Variants in SV2C observed in about 807,000 individuals in gnomAD.
The protein encoded by SV2C is synaptic vesicle glycoprotein 2C.
Under a neutral mutation model 79.7 loss-of-function variants are expected in SV2C, and 49 were observed. That is an observed-to-expected ratio of 0.61 (90% CI 0.49 to 0.78). The LOEUF is 0.78. Among genes scored for constraint, SV2C ranks in the 30% least tolerant of loss-of-function variants. SV2C has a pLI of 0.00. For missense variants in SV2C, 833 were observed against 912.9 expected, an observed-to-expected ratio of 0.91 and a Z score of 1.13; for synonymous variants, 334 against 333.2, an observed-to-expected ratio of 1.00 and a Z score of -0.03.
chr5:76,314,830 T>C (rs971729929), intron 12 of SV2C, among the ~76,000 whole-genome samples: 14 of 152,140 alleles, frequency 9.2e-5, no homozygotes, highest in African/African-American at 3.1e-4. Flanking sequence ...CACTTGGCTG[T>C]TGGGATGCAC....
At chr5:75,861,599 A>T in the SV2C span, among the ~76,000 whole-genome samples, 31 of 151,758 alleles carry the variant, frequency 2.0e-4, no homozygotes, top group South Asian at 6.4e-3. Flanking sequence ...TGGACTGGAT[A>T]AAAAAAACAT....
intron 12 of SV2C, among the ~76,000 whole-genome samples, chr5:76,318,254 C>T (rs1213878998): frequency 6.6e-6 from 1 of 152,028 alleles, no homozygotes; most frequent in East Asian, 1.9e-4. Flanking sequence ...CCCGTCTCTA[C>T]TAAAAACACA....
chr5:75,974,265 C>T, the SV2C span, among the ~76,000 whole-genome samples: 1 of 151,988 alleles, frequency 6.6e-6, no homozygotes, highest in Non-Finnish European at 1.5e-5. Flanking sequence ...TAAATGGAAC[C>T]ATCGAATCTA....
intron 2 of SV2C, among the ~76,000 whole-genome samples, chr5:76,179,044 T>C (rs1743633208): frequency 6.6e-6 from 1 of 152,150 alleles, no homozygotes; most frequent in Non-Finnish European, 1.5e-5. Context: ...GGAGTCAAAT[T>C]GAAAATTAAT....
At chr5:75,863,452 T>C in the SV2C span, among the ~76,000 whole-genome samples, 1 of 152,022 alleles carries the variant, frequency 6.6e-6, no homozygotes, top group African/African-American at 2.4e-5. Context: ...AATTGGAAAG[T>C]GGTGAGTTTT....
chr5:76,246,583 C>T (rs921890053), intron 4 of SV2C, among the ~76,000 whole-genome samples: 1 of 152,060 alleles, frequency 6.6e-6, no homozygotes, highest in Non-Finnish European at 1.5e-5. Context: ...TAAGTAGGCA[C>T]CTTCTGGGTC....
intron 8 of SV2C, 28 bp downstream of exon 8, chr5:76,291,884 C>G (rs767140113): frequency 1.0e-5 from 15 of 1,505,820 alleles, no homozygotes. Flanking sequence ...TCTTGGCAAG[C>G]AAAATCGTTC....
At chr5:76,078,443 T>G (rs893002178), upstream of SV2C, among the ~76,000 whole-genome samples, 3 of 152,210 alleles carry the variant, frequency 2.0e-5, no homozygotes, top group Non-Finnish European at 4.4e-5. Flanking sequence ...CTGAGCCTTA[T>G]GAGTATTAGA....
At chr5:76,319,148 C>G (rs562473343) in intron 12 of SV2C, among the ~76,000 whole-genome samples, 1 of 152,070 alleles carries the variant, frequency 6.6e-6, no homozygotes, top group Admixed American at 6.5e-5. Flanking sequence ...TGGTGGCTCA[C>G]GCCTGTAATC....
chr5:75,911,447 AC>A, the SV2C span: 1 of 960,498 alleles, frequency 1.0e-6, no homozygotes, highest in Non-Finnish European at 1.6e-6. Flanking sequence ...GCCACTCCAA[AC>A]CCCAGGCCCT....
chr5:76,085,033 C>T (rs897686325), intron 1 of SV2C, among the ~76,000 whole-genome samples: 4 of 152,228 alleles, frequency 2.6e-5, no homozygotes, highest in Non-Finnish European at 4.4e-5. Flanking sequence ...GGTCTCCTCT[C>T]CCGCTGAACC....
At chr5:75,898,445 C>T in the SV2C span, among the ~76,000 whole-genome samples, 26 of 152,164 alleles carry the variant, frequency 1.7e-4, no homozygotes, top group East Asian at 5.8e-4. Flanking sequence ...ATAAGCTTTT[C>T]GATGTGCTGC....
the SV2C span, among the ~76,000 whole-genome samples, chr5:76,030,308 G>A: frequency 2.4e-4 from 8 of 33,706 alleles, no homozygotes; most frequent in Non-Finnish European, 3.8e-4. Context: ...TTCCTGTAAA[G>A]TTCTTTTTGG....
the SV2C span, among the ~76,000 whole-genome samples, chr5:75,906,834 T>C: frequency 6.6e-6 from 1 of 152,130 alleles, no homozygotes; most frequent in South Asian, 2.1e-4. Flanking sequence ...CCCACCCCCA[T>C]GGAAATTTGT....
chr5:76,234,520 T>A (rs1468496779), intron 4 of SV2C, among the ~76,000 whole-genome samples: 1 of 152,226 alleles, frequency 6.6e-6, no homozygotes, highest in African/African-American at 2.4e-5. Flanking sequence ...GTACTGTGAT[T>A]CCAGAATTGG....
intron 1 of SV2C, among the ~76,000 whole-genome samples, chr5:76,110,315 G>T (rs1007720186): frequency 1.3e-5 from 2 of 152,166 alleles, no homozygotes; most frequent in Admixed American, 1.3e-4. Flanking sequence ...GATTTGTTGT[G>T]CTCGTTGGGA....
At chr5:75,892,422 C>CT in the SV2C span, among the ~76,000 whole-genome samples, 9 of 150,708 alleles carry the variant, frequency 6.0e-5, no homozygotes, top group African/African-American at 9.8e-5. Context: ...CTTACCCCTT[C>CT]TTTTTTTTTC....
At chr5:75,957,648 T>C in the SV2C span, among the ~76,000 whole-genome samples, 1 of 152,092 alleles carries the variant, frequency 6.6e-6, no homozygotes, top group South Asian at 2.1e-4. Flanking sequence ...GCTGATATCA[T>C]TGACATCATG....
intron 1 of SV2C, among the ~76,000 whole-genome samples, chr5:76,097,238 A>G (rs893577139): frequency 1.5e-4 from 23 of 152,216 alleles, no homozygotes; most frequent in African/African-American, 4.8e-4. Context: ...CTAGAATTGT[A>G]TTCTGTTTTA....
Sources: gnomAD v4.1 joint callset for allele counts (sites outside exome capture counted in the v4.1 genomes callset) on GRCh38, gnomAD v4.1.1 for gene constraint, MANE v1.5 for transcripts, NCBI Gene and HGNC (gene_info 2026-07-23, HGNC 2026-07-21) for gene names.